Variants in ANO3 observed in about 807,000 individuals in gnomAD.
ANO3 encodes anoctamin-3.
In ANO3, 99 loss-of-function variants were observed where a neutral mutation model predicts 144.8. That is an observed-to-expected ratio of 0.68 (90% CI 0.58 to 0.81). The LOEUF (loss-of-function observed/expected upper bound fraction) is 0.81. Among genes scored for constraint, ANO3 ranks in the 30% least tolerant of loss-of-function variants. The pLI, the probability that ANO3 is intolerant of heterozygous loss-of-function variation, is 0.00. For missense variants in ANO3, 905 were observed against 1,202.2 expected, an observed-to-expected ratio of 0.75 and a Z score of 3.66; for synonymous variants, 414 against 392.6, an observed-to-expected ratio of 1.05 and a Z score of -0.64.
intron 1 of ANO3, among the ~76,000 whole-genome samples, chr11:26,252,416 C>A (rs575090472): frequency 1.3e-5 from 2 of 152,196 alleles, no homozygotes; most frequent in South Asian, 4.1e-4. Context: ...GCAGTGAGGC[C>A]AGTAAGAACT....
chr11:26,531,739 T>A (rs1849376661), intron 8 of ANO3, among the ~76,000 whole-genome samples: 1 of 152,068 alleles, frequency 6.6e-6, no homozygotes, highest in South Asian at 2.1e-4. Flanking sequence ...TAACATATAT[T>A]TATTAATTAA....
At chr11:26,278,471 T>A (rs899230222) in intron 1 of ANO3, among the ~76,000 whole-genome samples, 2 of 152,166 alleles carry the variant, frequency 1.3e-5, no homozygotes, top group South Asian at 2.1e-4. Flanking sequence ...CTGGGTTTTT[T>A]AAATTTTTTA....
chr11:26,545,795 CTCTTCCTCCT>C (rs1386457149), intron 11 of ANO3, among the ~76,000 whole-genome samples: 1 of 151,644 alleles, frequency 6.6e-6, no homozygotes, highest in Non-Finnish European at 1.5e-5. Flanking sequence ...CTCTTCCTCC[CTCTTCCTCCT>C]TGCTCTATTT....
intron 4 of ANO3, among the ~76,000 whole-genome samples, chr11:26,505,897 G>T (rs1403625589): frequency 6.7e-6 from 1 of 149,890 alleles, no homozygotes; most frequent in East Asian, 2.0e-4. Flanking sequence ...CTGAGTTGAG[G>T]CAGGAGAATG....
chr11:26,385,848 CACAT>C (rs1305138185), intron 1 of ANO3, among the ~76,000 whole-genome samples: 2 of 146,482 alleles, frequency 1.4e-5, no homozygotes, highest in East Asian at 2.0e-4. Context: ...CACACACACA[CACAT>C]ATATATGTGG....
intron 1 of ANO3, among the ~76,000 whole-genome samples, chr11:26,204,314 C>A (rs1851754895): frequency 6.6e-6 from 1 of 152,088 alleles, no homozygotes; most frequent in South Asian, 2.1e-4. Context: ...TAAGTACCCA[C>A]TTATCCCCCA....
At chr11:26,273,440 A>C (rs1853490226) in intron 1 of ANO3, among the ~76,000 whole-genome samples, 1 of 152,012 alleles carries the variant, frequency 6.6e-6, no homozygotes, top group Admixed American at 6.6e-5. Context: ...ATTGAGAGAG[A>C]GAAAATATCG....
chr11:26,475,367 T>G (rs1859922851), intron 4 of ANO3, among the ~76,000 whole-genome samples: 1 of 152,024 alleles, frequency 6.6e-6, no homozygotes, highest in Non-Finnish European at 1.5e-5. Flanking sequence ...AAAAAATTAA[T>G]CTAGCTTTTT....
At chr11:26,442,570 G>A (rs529479425) in intron 2 of ANO3, among the ~76,000 whole-genome samples, 1 of 152,290 alleles carries the variant, frequency 6.6e-6, no homozygotes, top group East Asian at 1.9e-4. Context: ...GCAACCCAAG[G>A]CTGGTGTGCA....
chr11:26,636,583 A>G (rs1852965619), intron 20 of ANO3, among the ~76,000 whole-genome samples: 1 of 152,090 alleles, frequency 6.6e-6, no homozygotes, highest in Non-Finnish European at 1.5e-5. Context: ...AAACAAAGTC[A>G]CAGATGTGCA....
intron 1 of ANO3, among the ~76,000 whole-genome samples, chr11:26,340,569 T>C (rs1008399047): frequency 6.6e-6 from 1 of 152,204 alleles, no homozygotes; most frequent in African/African-American, 2.4e-5. Context: ...TTTACAAAGA[T>C]GCACCCTAGG....
chr11:26,559,191 C>T (rs1425718901), intron 13 of ANO3: 1 of 152,194 alleles, frequency 6.6e-6, no homozygotes, highest in Non-Finnish European at 1.5e-5. Context: ...ACTTTTAAAA[C>T]AAATTAAGAT....
intron 1 of ANO3, among the ~76,000 whole-genome samples, chr11:26,386,859 T>C (rs916405688): frequency 4.6e-5 from 7 of 152,310 alleles, no homozygotes; most frequent in African/African-American, 1.7e-4. Context: ...AAAATTTAAA[T>C]CATGTATGTA....
At chr11:26,554,352 A>C (rs1438673874) in intron 13 of ANO3, among the ~76,000 whole-genome samples, 2 of 152,032 alleles carry the variant, frequency 1.3e-5, no homozygotes, top group Non-Finnish European at 2.9e-5. Flanking sequence ...GGATTGTTTC[A>C]AATTGTTGCC....
chr11:26,526,465 A>G (rs576011306), intron 7 of ANO3, among the ~76,000 whole-genome samples: 36 of 152,306 alleles, frequency 2.4e-4, no homozygotes, highest in Non-Finnish European at 3.8e-4. Flanking sequence ...AGTATGCTCC[A>G]TTAAATGATG....
chr11:26,469,880 A>G (rs941306251), intron 4 of ANO3, among the ~76,000 whole-genome samples: 3 of 134,542 alleles, frequency 2.2e-5, no homozygotes, highest in Non-Finnish European at 3.2e-5. Context: ...TATTAATTAC[A>G]GAAATACAAA....
At chr11:26,292,126 C>G (rs1206212863) in intron 1 of ANO3, among the ~76,000 whole-genome samples, 1 of 152,160 alleles carries the variant, frequency 6.6e-6, no homozygotes, top group Admixed American at 6.5e-5. Context: ...TCTTTTTTCT[C>G]TAAACTTCTC....
intron 24 of ANO3, 144 bp downstream of exon 24, chr11:26,648,000 G>C (rs1853403686): frequency 5.5e-6 from 4 of 732,302 alleles, no homozygotes; most frequent in Non-Finnish European, 8.1e-6. Flanking sequence ...GTGAAATCAA[G>C]CAAGGTAAAA....
At chr11:26,530,174 A>G (rs761282145) in intron 7 of ANO3, among the ~76,000 whole-genome samples, 33 of 152,306 alleles carry the variant, frequency 2.2e-4, no homozygotes, top group Admixed American at 4.6e-4. Context: ...ATAAAATACC[A>G]ATTTACAACT....
Sources: allele counts gnomAD v4.1 joint callset (sites outside exome capture counted in the v4.1 genomes callset), GRCh38; gene constraint gnomAD v4.1.1; transcripts MANE v1.5; gene names NCBI Gene and HGNC (gene_info 2026-07-23, HGNC 2026-07-21).